SEL1L3: variants seen among roughly 807,000 people sequenced by gnomAD.
SEL1L3 encodes protein sel-1 homolog 3.
SEL1L3 carries 76 observed loss-of-function variants against 142.8 expected under a neutral mutation model. That is an observed-to-expected ratio of 0.53 (90% CI 0.44 to 0.64). The LOEUF is 0.64. SEL1L3 is among the 30% of genes least tolerant of loss of function. SEL1L3 has a pLI of 0.00. For missense variants in SEL1L3, 1,262 were observed against 1,381.7 expected, an observed-to-expected ratio of 0.91 and a Z score of 1.37; for synonymous variants, 504 against 519.6, an observed-to-expected ratio of 0.97 and a Z score of 0.41.
At chr4:25,806,800 G>A (rs1287216671) in intron 9 of SEL1L3, among the ~76,000 whole-genome samples, 1 of 151,602 alleles carries the variant, frequency 6.6e-6, no homozygotes, top group Non-Finnish European at 1.5e-5. Context: ...AACGAATGGA[G>A]TTTGTTCCTT....
chr4:25,848,595 T>G (rs542468942), intron 1 of SEL1L3, among the ~76,000 whole-genome samples: 1 of 152,302 alleles, frequency 6.6e-6, no homozygotes, highest in Non-Finnish European at 1.5e-5. Context: ...TGCTAAGAGC[T>G]CTCCTAAATA....
intron 1 of SEL1L3, among the ~76,000 whole-genome samples, chr4:25,855,601 CAA>C (rs892164809): frequency 4.0e-5 from 6 of 151,178 alleles, no homozygotes; most frequent in Non-Finnish European, 8.9e-5. Context: ...GCTAAAAATA[CAA>C]AAAAAAAGTT....
At chr4:25,858,859 C>G (rs1218401005) in intron 1 of SEL1L3, among the ~76,000 whole-genome samples, 1 of 152,200 alleles carries the variant, frequency 6.6e-6, no homozygotes, top group African/African-American at 2.4e-5. Flanking sequence ...GCTGTGATTA[C>G]AGGCGTAAGA....
intron 2 of SEL1L3, among the ~76,000 whole-genome samples, chr4:25,837,096 C>A (rs1715879603): frequency 1.3e-5 from 2 of 151,848 alleles, no homozygotes; most frequent in East Asian, 3.9e-4. Context: ...TCAATTTGAG[C>A]TCAATTTGGG....
At chr4:25,838,728 T>C (rs1174655018) in intron 2 of SEL1L3, among the ~76,000 whole-genome samples, 2 of 152,192 alleles carry the variant, frequency 1.3e-5, no homozygotes, top group East Asian at 3.9e-4. Flanking sequence ...GCACTAAGGC[T>C]AGCACCCACT....
At chr4:25,853,190 A>G (rs1335900626) in intron 1 of SEL1L3, among the ~76,000 whole-genome samples, 2 of 152,184 alleles carry the variant, frequency 1.3e-5, no homozygotes, top group East Asian at 3.9e-4. Context: ...ACAGTGAGCT[A>G]TGATAGTGCC....
chr4:25,818,675 T>A (rs1216874167), intron 8 of SEL1L3, among the ~76,000 whole-genome samples: 1 of 152,178 alleles, frequency 6.6e-6, no homozygotes, highest in African/African-American at 2.4e-5. Context: ...TGTGCATGCC[T>A]GGCCTTCTAT....
At chr4:25,794,891 T>C (rs549677870) in intron 11 of SEL1L3, among the ~76,000 whole-genome samples, 1 of 152,234 alleles carries the variant, frequency 6.6e-6, no homozygotes, top group African/African-American at 2.4e-5. Context: ...AGGAATGAGA[T>C]CATGTCCTCT....
chr4:25,803,399 A>T (rs1233645252), intron 10 of SEL1L3, among the ~76,000 whole-genome samples: 2 of 152,250 alleles, frequency 1.3e-5, no homozygotes, highest in Non-Finnish European at 2.9e-5. Context: ...ACATGGAACC[A>T]TTTGGGCACA....
At chr4:25,752,197 A>G (rs544865310) in intron 23 of SEL1L3, among the ~76,000 whole-genome samples, 3 of 151,662 alleles carry the variant, frequency 2.0e-5, no homozygotes, top group East Asian at 3.9e-4. Flanking sequence ...CGGGCGGATC[A>G]CTTGAGGTCA....
At position 25,790,548 on chromosome 4, in the gene SEL1L3, T is replaced by C; in HGVS notation, c.1983A>G (p.Lys661=). ...DQAYVETIRL[K]DDEILKVQTK... ...TTTGTACCTTGAGTATTTCATCATCTTTTAGTCTAATTGTTTCAACATATG... is the reference window on the plus strand; with the variant it reads ...TTTGTACCTTGAGTATTTCATCATCCTTTAGTCTAATTGTTTCAACATATG... The change falls in exon 12 of 24, where the codon AAA becomes AAG. Residue 661 remains lysine (K), a synonymous_variant. Transcript: ENST00000399878. The C allele has an allele frequency of 6.2e-7, 1 of 1,611,644 alleles. No individual in the cohort carries two copies. Among genetic ancestry groups the C allele is most frequent in the Non-Finnish European group, 8.5e-7 (1 of 1,178,486 alleles).
rs1437482064 is a variant in SEL1L3, at chr4:25,862,724, TG to T, written c.112del (p.Gln38ArgfsTer17). The T allele has an allele frequency of 3.1e-6, 4 of 1,282,838 alleles. No homozygotes were observed. Among genetic ancestry groups the T allele is most frequent in the South Asian group, 4.8e-5 (2 of 41,368 alleles). 79.5% of individuals were successfully genotyped at this position (1,282,838 alleles called of 1,614,324 possible). On this transcript the variant is annotated frameshift_variant, in exon 1 of 24. Transcript: ENST00000399878. LOFTEE classifies it high-confidence loss of function. ...AAMVPSGGVP[Q>X]GLGGRSACAL... ...GCAGGCAGAGCGGCCGCCGAGGCCCTGGGGGACGCCGCCACTCGGGACCATG... is the reference window on the plus strand; with the variant it reads ...GCAGGCAGAGCGGCCGCCGAGGCCCTGGGGACGCCGCCACTCGGGACCATG...
intron 10 of SEL1L3, among the ~76,000 whole-genome samples, chr4:25,804,253 C>T (rs1355383923): frequency 6.6e-6 from 1 of 152,120 alleles, no homozygotes; most frequent in Non-Finnish European, 1.5e-5. Flanking sequence ...GTAAGGAGCA[C>T]CTGTTCTTGA....
At position 25,765,397 on chromosome 4, in the gene SEL1L3, G is replaced by T; in HGVS notation, c.2884C>A (p.Gln962Lys). The T allele has an allele frequency of 1.2e-6, 2 of 1,613,746 alleles. No individual in the cohort carries two copies. Among genetic ancestry groups the T allele is most frequent in the Non-Finnish European group, 1.7e-6 (2 of 1,179,698 alleles). The change falls in exon 20 of 24, where the codon CAA becomes AAA. Residue 962 changes from glutamine (Q) to lysine (K), a missense_variant. Coordinates refer to ENST00000399878, the MANE Select transcript of SEL1L3 (RefSeq NM_015187.5). The stretch of plus-strand genomic sequence containing the variant: ...AACTCCAGGTCTTGTGACTGGTTTT[G>T]GTGGCCATAGTAGTAAAGGTCTCCC... ...KMGDLYYYGH[Q>K]NQSQDLELSV... is the part of the protein sequence containing the mutation.
At chr4:25,772,674 AAAAG>A (rs1355346413) in intron 17 of SEL1L3, among the ~76,000 whole-genome samples, 2 of 152,226 alleles carry the variant, frequency 1.3e-5, no homozygotes, top group Admixed American at 6.5e-5. Context: ...AGAAAAAAAG[AAAAG>A]AAAGAGAATC....
chr4:25,736,981 CTTTTTCTTT>C, the SEL1L3 span, among the ~76,000 whole-genome samples: 1 of 104,086 alleles, frequency 9.6e-6, no homozygotes, highest in Non-Finnish European at 2.2e-5. Context: ...CTTTTTTTTT[CTTTTTCTTT>C]TTTTTCTTTT....
chr4:25,818,216 C>T lies in SEL1L3; in HGVS notation c.1486G>A (p.Ala496Thr), dbSNP rs780948565. Residue 496 changes from alanine (A) to threonine (T), a missense_variant, in exon 9 of 24, where the codon GCC becomes ACC. Transcript: ENST00000399878. ...RRYGRPSMCR[A>T]FPWEKELKDK... ...TTCAGCTCCTTCTCCCAGGGGAAGG[C>T]TCTGCACATCGAGGGTCTCCCATAC... is the stretch of plus-strand genomic sequence containing the variant. The T allele has an allele frequency of 5.0e-6, 8 of 1,604,478 alleles. No homozygotes were observed. The South Asian group carries it at 7.9e-5, about 16-fold the overall frequency.
chr4:25,770,040 A>C (rs1445296398), intron 17 of SEL1L3, among the ~76,000 whole-genome samples: 1 of 152,190 alleles, frequency 6.6e-6, no homozygotes, highest in Non-Finnish European at 1.5e-5. Flanking sequence ...AAGCAGGAGA[A>C]TCGCTCGAAC....
chr4:25,737,471 C>T, the SEL1L3 span, among the ~76,000 whole-genome samples: 1 of 152,250 alleles, frequency 6.6e-6, no homozygotes, highest in South Asian at 2.1e-4. Flanking sequence ...GCAAGCTCTC[C>T]AGCCTCTCTT....
Sources: gnomAD v4.1 joint callset for allele counts (sites outside exome capture counted in the v4.1 genomes callset) on GRCh38, gnomAD v4.1.1 for gene constraint, MANE v1.5 for transcripts, NCBI Gene and HGNC (gene_info 2026-07-23, HGNC 2026-07-21) for gene names.